The following SENP5 variants were observed in gnomAD, a reference collection of about 807,000 sequenced individuals.
SENP5 encodes the protein SUMO specific peptidase 5.
In SENP5, 21 loss-of-function variants were observed where a neutral mutation model predicts 74.2. The observed-to-expected ratio is 0.28, with a 90% CI of 0.20 to 0.41. SENP5 has a LOEUF of 0.41. Ranked by LOEUF, SENP5 falls within the 10% of genes least tolerant of loss-of-function variation. The probability of loss-of-function intolerance (pLI) is 1.00; values close to 1 mark genes in which losing one functional copy is unlikely to be tolerated. For missense variants in SENP5, 717 were observed against 889.1 expected (o/e 0.81, Z 2.46); for synonymous variants, 311 against 312.7 (o/e 0.99, Z 0.06).
At chr3:196,875,392 A>G (rs938482079) in intron 1 of SENP5, among the ~76,000 whole-genome samples, 37 of 152,302 alleles carry the variant, frequency 2.4e-4, no homozygotes, top group Admixed American at 5.9e-4. Flanking sequence ...TCTCCTTGCC[A>G]TTCTGCACAT....
chr3:196,919,662 G>A (rs1715530152), intron 6 of SENP5, among the ~76,000 whole-genome samples: 1 of 152,056 alleles, frequency 6.6e-6, no homozygotes. Context: ...GTGTGGTGGA[G>A]CATGCCTGCA....
intron 1 of SENP5, among the ~76,000 whole-genome samples, chr3:196,878,905 T>C (rs1483219274): frequency 6.6e-6 from 1 of 152,234 alleles, no homozygotes; most frequent in Non-Finnish European, 1.5e-5. Flanking sequence ...ATTACCTTTT[T>C]ATAATGTAAC....
intron 6 of SENP5, among the ~76,000 whole-genome samples, chr3:196,903,879 G>C (rs1321312269): frequency 1.3e-5 from 2 of 152,236 alleles, no homozygotes; most frequent in Admixed American, 1.3e-4. Flanking sequence ...GCAGACAGCA[G>C]AAGCTTTCAA....
intron 1 of SENP5, among the ~76,000 whole-genome samples, chr3:196,868,407 C>A (rs974700497): frequency 5.3e-5 from 8 of 152,252 alleles, no homozygotes; most frequent in African/African-American, 1.9e-4. Flanking sequence ...CAGCTCCGGC[C>A]GCCGTGGAAG....
At chr3:196,895,293 G>A (rs1577814156) in intron 2 of SENP5, among the ~76,000 whole-genome samples, 1 of 148,412 alleles carries the variant, frequency 6.7e-6, no homozygotes, top group East Asian at 2.0e-4. Context: ...CCATGTTCAC[G>A]CCATTCTCCT....
intron 1 of SENP5, among the ~76,000 whole-genome samples, chr3:196,884,881 C>T (rs1208443676): frequency 6.6e-6 from 1 of 152,076 alleles, no homozygotes; most frequent in African/African-American, 2.4e-5. Flanking sequence ...GTGTGAGCCA[C>T]TGCGCCTGGT....
rs1713907573 is a variant in SENP5, at chr3:196,885,299, C to T, written c.118C>T (p.Leu40=). ...KFYFHQHLCI[L]KAKLGRPVTW... is the part of the protein sequence containing the mutation. ...TTATTTTCACCAACACTTGTGCATT[C>T]TGAAAGCTAAGCTGGGAAGGCCAGT... Residue 40 remains leucine, a synonymous_variant, in exon 2 of 10, where the codon CTG becomes TTG. Transcript: ENST00000323460. 1.9e-6 allele frequency: 3 copies of T among 1,614,018 alleles called. No homozygotes were observed. The highest frequency in any genetic ancestry group is 1.3e-5 in the African/African-American group (1 of 74,906).
intron 1 of SENP5, among the ~76,000 whole-genome samples, chr3:196,874,223 C>G (rs1713355327): frequency 6.8e-6 from 1 of 147,778 alleles, no homozygotes; most frequent in Non-Finnish European, 1.5e-5. Flanking sequence ...TAAAATGTGT[C>G]TGCTTAATCT....
At chr3:196,918,396 CT>C (rs34494616) in intron 6 of SENP5, among the ~76,000 whole-genome samples, 95,407 of 141,366 alleles carry the variant, frequency 0.67, 32,693 homozygotes, top group Non-Finnish European at 0.74. Flanking sequence ...TTTCTCTTGA[CT>C]TTTTTTTTTT....
intron 6 of SENP5, among the ~76,000 whole-genome samples, chr3:196,920,147 G>A (rs1715549583): frequency 6.6e-6 from 1 of 152,184 alleles, no homozygotes; most frequent in Non-Finnish European, 1.5e-5. Flanking sequence ...TTATACATTA[G>A]TTTGGGGAGA....
chr3:196,888,385 C>T (rs150536288), intron 2 of SENP5, among the ~76,000 whole-genome samples: 2,184 of 151,952 alleles, frequency 0.014, 60 homozygotes, highest in African/African-American at 0.051. Context: ...GAGTTCAAGA[C>T]GAGGCTGATC....
rs1278065077 is a variant in SENP5, at chr3:196,897,443, G to A, written c.1514-2223G>A. On this transcript the variant is annotated intron_variant, in intron 2 of 9. Transcript: ENST00000323460. ...CTACTGTATTTGCCCAAAGCCTAGA[G>A]CAGAATGGACGTGAGAAAGGACCTC... is the stretch of plus-strand genomic sequence containing the variant. Among the ~76,000 whole-genome samples, 4 of 152,296 alleles carry A rather than the reference G, an allele frequency of 2.6e-5. No homozygotes were observed. In the South Asian group the frequency reaches 6.2e-4, roughly 24 times the overall value.
intron 8 of SENP5, 23 bp from the exon 9 acceptor site, chr3:196,929,610 G>T (rs772423770): frequency 4.7e-6 from 7 of 1,482,598 alleles, no homozygotes; most frequent in South Asian, 3.5e-5. Context: ...TTGTTTTAAT[G>T]ACTATTTTGT....
chr3:196,913,647 C>CT (rs1229412806), intron 6 of SENP5, among the ~76,000 whole-genome samples: 2,448 of 98,068 alleles, frequency 0.025, 141 homozygotes, highest in African/African-American at 0.052. Context: ...ATAAGAAAGG[C>CT]TTTTTTTTTT....
At position 196,890,663 on chromosome 3, in the gene SENP5, C is replaced by T. The variant is rs541784752; in HGVS notation, c.1513+3969C>T. Among the ~76,000 whole-genome samples the T allele has an allele frequency of 3.9e-5, 6 of 152,284 alleles. No individual in the cohort carries two copies. The South Asian group carries it at 1.2e-3, about 32-fold the overall frequency. On this transcript the variant is annotated intron_variant, in intron 2 of 9. Coordinates refer to ENST00000323460, the MANE Select transcript of SENP5 (RefSeq NM_152699.5). ...GATTACTTTGCAAGTTCTTTAAGTT[C>T]TTGCTTCGCTTTAAAGTTCTAACCT...
At chr3:196,882,076 T>C (rs1284886656) in intron 1 of SENP5, among the ~76,000 whole-genome samples, 1 of 151,852 alleles carries the variant, frequency 6.6e-6, no homozygotes, top group African/African-American at 2.4e-5. Flanking sequence ...TTTTTGTATT[T>C]TTAGTAGGGT....
intron 5 of SENP5, among the ~76,000 whole-genome samples, chr3:196,902,051 T>C (rs2108838447): frequency 6.6e-6 from 1 of 152,354 alleles, no homozygotes; most frequent in South Asian, 2.1e-4. Flanking sequence ...ACACCAATTT[T>C]GAGAATCACT....
chr3:196,869,318 C>T (rs1367346415), intron 1 of SENP5, among the ~76,000 whole-genome samples: 1 of 151,982 alleles, frequency 6.6e-6, no homozygotes, highest in East Asian at 2.0e-4. Context: ...ATTCTCCTGC[C>T]TCAGCCTCCA....
rs753542062 is a variant in SENP5, at chr3:196,885,663, C to T, written c.482C>T (p.Pro161Leu). ...QANGHRPRTD[P>L]QPSDFPMKFN... ...AATGGTCACAGACCTAGGACAGACCCACAACCTTCTGACTTTCCCATGAAG... is the reference window on the plus strand; with the variant it reads ...AATGGTCACAGACCTAGGACAGACCTACAACCTTCTGACTTTCCCATGAAG... Residue 161 changes from proline to leucine, a missense_variant, in exon 2 of 10, where the codon CCA (proline) becomes CTA (leucine). This residue lies in a region of SENP5 where 567 missense variants were observed against 577.4 expected (regional missense o/e 0.98). Coordinates refer to ENST00000323460, the MANE Select transcript of SENP5 (RefSeq NM_152699.5). The T allele has an allele frequency of 7.4e-6, 12 of 1,614,068 alleles. No homozygotes were observed. The African/African-American group carries it at 1.6e-4, about 22-fold the overall frequency.
Sources: gnomAD v4.1 joint callset for allele counts (sites outside exome capture counted in the v4.1 genomes callset) on GRCh38, gnomAD v4.1.1 for gene constraint, gnomAD v4.1.1 regional missense constraint, MANE v1.5 for transcripts, NCBI Gene and HGNC (gene_info 2026-07-23, HGNC 2026-07-21) for gene names.